The following TP63 variants were observed in gnomAD, a reference collection of about 807,000 sequenced individuals.
The protein encoded by TP63 is tumor protein 63.
In TP63, 17 loss-of-function variants were observed where a neutral mutation model predicts 82.8. That is an observed-to-expected ratio of 0.21 (90% CI 0.14 to 0.31). The LOEUF (loss-of-function observed/expected upper bound fraction) is 0.31. Among genes scored for constraint, TP63 ranks in the 10% least tolerant of loss-of-function variants. The pLI is 1.00. For missense variants in TP63, 648 were observed against 895.3 expected (o/e 0.72, Z 3.52); for synonymous variants, 330 against 321.7 (o/e 1.03, Z -0.28).
Position 189,631,535 on chromosome 3 carries a change from G to A in TP63, c.20G>A (p.Arg7Gln), listed in dbSNP as rs568702479. The A allele has an allele frequency of 1.1e-5, 18 of 1,612,612 alleles. No individual in the cohort carries two copies. Among genetic ancestry groups the A allele is most frequent in the South Asian group, 3.3e-5 (3 of 91,052 alleles). MNFETSRCATLQYCPDP... is the reference protein window; with the variant it reads MNFETSQCATLQYCPDP... Reference sequence around the variant, plus strand: ...AAGGAAATGAATTTTGAAACTTCACGGTGTGCCACCCTACAGTACTGCCCT... The same window carrying A: ...AAGGAAATGAATTTTGAAACTTCACAGTGTGCCACCCTACAGTACTGCCCT... The change falls in exon 1 of 14, where the codon CGG becomes CAG. Residue 7 changes from arginine to glutamine, a missense_variant. Arg to Gln is a conservative substitution (Grantham distance 43). Transcript: ENST00000264731.
chr3:189,628,459 A>G (rs1427423885), upstream of TP63, among the ~76,000 whole-genome samples: 1 of 152,118 alleles, frequency 6.6e-6, no homozygotes, highest in African/African-American at 2.4e-5. Context: ...CCTAGGAGTC[A>G]AGAAGAACAA....
intron 10 of TP63, chr3:189,873,263 C>A: frequency 3.7e-6 from 2 of 542,122 alleles, no homozygotes. Flanking sequence ...TAACAGTTCT[C>A]GTCTCTATAT....
chr3:189,791,447 A>C (rs1444630255), intron 3 of TP63, among the ~76,000 whole-genome samples: 1 of 152,142 alleles, frequency 6.6e-6, no homozygotes. Flanking sequence ...TTATGGAGGC[A>C]AAAGAGTCAT....
At chr3:189,880,325 A>G (rs1273996269) in intron 10 of TP63, 2 of 1,306,342 alleles carry the variant, frequency 1.5e-6, no homozygotes, top group Admixed American at 6.8e-5. Context: ...GCTCAAAGGC[A>G]CAAAGCCACT....
chr3:189,839,605 C>T (rs1314289682), intron 4 of TP63, among the ~76,000 whole-genome samples: 3 of 152,166 alleles, frequency 2.0e-5, no homozygotes, highest in East Asian at 1.9e-4. Context: ...AAAGATTGAT[C>T]TCCAGAAGTT....
intron 1 of TP63, among the ~76,000 whole-genome samples, chr3:189,687,590 C>T (rs75574980): frequency 6.6e-6 from 1 of 152,170 alleles, no homozygotes; most frequent in Non-Finnish European, 1.5e-5. Context: ...CTACAAAAAA[C>T]AGTGAGACTC....
chr3:189,723,954 A>G (rs1305629272), intron 1 of TP63, among the ~76,000 whole-genome samples: 1 of 151,534 alleles, frequency 6.6e-6, no homozygotes, highest in African/African-American at 2.4e-5. Flanking sequence ...GTGTTATCAC[A>G]CCAAAATCCT....
chr3:189,621,824 A>G, the TP63 span, among the ~76,000 whole-genome samples: 2 of 152,224 alleles, frequency 1.3e-5, no homozygotes, highest in African/African-American at 4.8e-5. Flanking sequence ...ATAAGAGATA[A>G]CTGAAGAAGA....
At chr3:189,694,790 CTTTTTTTTTTTTTTTT>C (rs71175304) in intron 1 of TP63, among the ~76,000 whole-genome samples, 12 of 32,758 alleles carry the variant, frequency 3.7e-4, no homozygotes, top group Admixed American at 7.1e-4. Context: ...TATTTACAGC[CTTTTTTTTTTTTTTTT>C]TTTTTTTTTT....
the TP63 span, among the ~76,000 whole-genome samples, chr3:189,613,667 A>T: frequency 6.6e-6 from 1 of 152,160 alleles, no homozygotes; most frequent in Non-Finnish European, 1.5e-5. Flanking sequence ...AAAGTGGCAG[A>T]CACTCATGAA....
the TP63 span, among the ~76,000 whole-genome samples, chr3:189,607,313 A>C: frequency 6.6e-6 from 1 of 152,250 alleles, no homozygotes; most frequent in South Asian, 2.1e-4. Context: ...AATTTTTAAA[A>C]TATTGACAAG....
intron 4 of TP63, among the ~76,000 whole-genome samples, chr3:189,817,406 AC>A (rs1322603564): frequency 2.0e-5 from 3 of 152,156 alleles, no homozygotes; most frequent in Non-Finnish European, 4.4e-5. Flanking sequence ...ACTTTGGGGT[AC>A]TAACAAGCTA....
intron 3 of TP63, among the ~76,000 whole-genome samples, chr3:189,747,707 T>C (rs78953518): frequency 0.02 from 3,100 of 151,994 alleles, 49 homozygotes; most frequent in South Asian, 0.041. Context: ...GATAGAAAAT[T>C]AGCAGAAGGA....
At chr3:189,686,588 G>GAATAAATA (rs369758977) in intron 1 of TP63, among the ~76,000 whole-genome samples, 19 of 147,202 alleles carry the variant, frequency 1.3e-4, no homozygotes, top group African/African-American at 3.0e-4. Flanking sequence ...AGTGGAAAAA[G>GAATAAATA]AATAAATAAA....
chr3:189,861,059 A>T (rs181064469), intron 4 of TP63, among the ~76,000 whole-genome samples: 51 of 151,896 alleles, frequency 3.4e-4, no homozygotes, highest in African/African-American at 1.1e-3. Context: ...GTCCATGTGT[A>T]TCCTTTTGGG....
At chr3:189,648,041 G>C (rs561777728) in intron 1 of TP63, among the ~76,000 whole-genome samples, 6 of 147,128 alleles carry the variant, frequency 4.1e-5, no homozygotes, top group Non-Finnish European at 7.4e-5. Context: ...TTAAAGATAT[G>C]TTATTACAAC....
intron 13 of TP63, among the ~76,000 whole-genome samples, chr3:189,891,407 ACC>A: frequency 6.6e-6 from 1 of 152,320 alleles, no homozygotes; most frequent in East Asian, 1.9e-4. Flanking sequence ...TTAAATTAGT[ACC>A]TTAAGGGAGA....
the TP63 span, among the ~76,000 whole-genome samples, chr3:189,612,726 C>T: frequency 6.6e-6 from 1 of 152,098 alleles, no homozygotes; most frequent in African/African-American, 2.4e-5. Context: ...TGGTTTTGCC[C>T]AAAATCCTGA....
intron 4 of TP63, among the ~76,000 whole-genome samples, chr3:189,832,446 G>A (rs1411402850): frequency 6.6e-6 from 1 of 152,154 alleles, no homozygotes; most frequent in Non-Finnish European, 1.5e-5. Context: ...AGCTGCAGGA[G>A]GAGACAGCTC....
Sources: gnomAD v4.1 joint callset for allele counts (sites outside exome capture counted in the v4.1 genomes callset) on GRCh38, gnomAD v4.1.1 for gene constraint, MANE v1.5 for transcripts, NCBI Gene and HGNC (gene_info 2026-07-23, HGNC 2026-07-21) for gene names.